Variants in RASA3 observed in about 807,000 individuals in gnomAD.
RASA3 encodes ras GTPase-activating protein 3.
A neutral mutation model predicts 110.0 loss-of-function variants in RASA3; 73 were observed. That is an observed-to-expected ratio of 0.66 (90% CI 0.55 to 0.81). The LOEUF is 0.81. RASA3 is among the 30% of genes least tolerant of loss of function. The probability of loss-of-function intolerance (pLI) is 0.00; values close to 1 mark genes in which losing one functional copy is unlikely to be tolerated. For missense variants in RASA3, 976 were observed against 1,113.2 expected, an observed-to-expected ratio of 0.88 and a Z score of 1.75; for synonymous variants, 500 against 451.4, an observed-to-expected ratio of 1.11 and a Z score of -1.37.
intron 21 of RASA3, among the ~76,000 whole-genome samples, chr13:113,993,805 C>CAAA (rs1566450353): frequency 9.7e-5 from 4 of 41,346 alleles, no homozygotes; most frequent in African/African-American, 6.5e-4. Flanking sequence ...GAGACTCTGC[C>CAAA]TAAAAAAAAA....
intron 13 of RASA3, 65 bp downstream of exon 13, chr13:114,016,119 TCAGAGCTTCCAGG>T: frequency 7.5e-7 from 1 of 1,336,076 alleles, no homozygotes. Flanking sequence ...ACGGGGTGAG[TCAGAGCTTCCAGG>T]CAGCCATCGG....
intron 1 of RASA3, among the ~76,000 whole-genome samples, chr13:114,117,724 ATG>A (rs1268948688): frequency 5.7e-5 from 7 of 122,936 alleles, no homozygotes; most frequent in African/African-American, 1.9e-4. Context: ...TGAGGGATGC[ATG>A]TGTGTGAGGA....
intron 8 of RASA3, among the ~76,000 whole-genome samples, chr13:114,022,337 C>T (rs1477609844): frequency 6.6e-6 from 1 of 152,212 alleles, no homozygotes; most frequent in East Asian, 1.9e-4. Flanking sequence ...AACAAGTCTA[C>T]AGGGCTGGTA....
intron 4 of RASA3, among the ~76,000 whole-genome samples, chr13:114,033,485 C>T (rs868354706): frequency 5.0e-3 from 103 of 20,658 alleles, no homozygotes; most frequent in African/African-American, 8.1e-3. Context: ...CACGGCACCC[C>T]CACACTGACA....
intron 1 of RASA3, among the ~76,000 whole-genome samples, chr13:114,089,532 C>T (rs987478005): frequency 4.6e-5 from 7 of 152,064 alleles, no homozygotes; most frequent in African/African-American, 1.7e-4. Context: ...CCCCTGCTCC[C>T]AGCTGCAGAA....
intron 16 of RASA3, among the ~76,000 whole-genome samples, chr13:114,009,732 G>A (rs1170249325): frequency 3.3e-5 from 5 of 152,196 alleles, no homozygotes; most frequent in Admixed American, 3.3e-4. Context: ...TCCTGGCCCC[G>A]GGCTGTCCCT....
At chr13:114,103,084 T>G (rs563192623) in intron 1 of RASA3, among the ~76,000 whole-genome samples, 1 of 151,158 alleles carries the variant, frequency 6.6e-6, no homozygotes, top group Non-Finnish European at 1.5e-5. Flanking sequence ...GAAATGCAGC[T>G]GTGGCTGTCG....
chr13:114,088,389 C>T (rs1053194958), intron 1 of RASA3, among the ~76,000 whole-genome samples: 1 of 152,136 alleles, frequency 6.6e-6, no homozygotes, highest in Non-Finnish European at 1.5e-5. Flanking sequence ...GAGCTCCCAG[C>T]CATTTGCTCT....
At chr13:114,009,298 G>T in intron 17 of RASA3, 89 bp downstream of exon 17, 1 of 1,068,558 alleles carries the variant, frequency 9.4e-7, no homozygotes, top group Non-Finnish European at 1.4e-6. Flanking sequence ...GGCCAAGTCT[G>T]TGTCATGTGG....
intron 1 of RASA3, among the ~76,000 whole-genome samples, chr13:114,100,918 A>G (rs1397040838): frequency 6.6e-6 from 1 of 152,038 alleles, no homozygotes; most frequent in Non-Finnish European, 1.5e-5. Flanking sequence ...AATTTTAAAA[A>G]CTCAGAAATT....
At chr13:114,026,609 C>G (rs1348165720) in intron 7 of RASA3, among the ~76,000 whole-genome samples, 1 of 152,222 alleles carries the variant, frequency 6.6e-6, no homozygotes, top group East Asian at 1.9e-4. Context: ...CCCCTGAGAG[C>G]TGCATGCATC....
At chr13:114,052,774 G>GA (rs2079169295) in intron 2 of RASA3, among the ~76,000 whole-genome samples, 1 of 142,586 alleles carries the variant, frequency 7.0e-6, no homozygotes, top group African/African-American at 2.7e-5. Context: ...GCTCCTGGGG[G>GA]AGAGACCCCC....
chr13:113,979,896 G>A (rs2052869813), intron 23 of RASA3, among the ~76,000 whole-genome samples: 1 of 151,048 alleles, frequency 6.6e-6, no homozygotes, highest in Non-Finnish European at 1.5e-5. Context: ...CTACCTCCAT[G>A]TGTGTGCACC....
chr13:114,059,429 A>C (rs565892383), intron 2 of RASA3, among the ~76,000 whole-genome samples: 2 of 151,628 alleles, frequency 1.3e-5, no homozygotes, highest in South Asian at 4.2e-4. Flanking sequence ...GCAGGTACCC[A>C]GGAGGCACAG....
Position 114,057,138 on chromosome 13 carries a change from G to A in RASA3, c.174-4983C>T. On this transcript the variant is annotated intron_variant, in intron 2 of 23. Coordinates refer to ENST00000334062, the MANE Select transcript of RASA3 (RefSeq NM_007368.4). This position sits in a 1 kb window ranked among gnomAD's most constrained non-coding sequence, Gnocchi z 5.0. ...TGGGTGAGTGTTTTGCATGTCTGAT[G>A]TCGTTTATTCTAGTGGTTCCAATTG... 1.1e-6 allele frequency: 1 copy of A among 917,046 alleles called. No individual in the cohort carries two copies. The highest frequency in any genetic ancestry group is 5.0e-5 in the South Asian group (1 of 19,810). 56.8% of individuals were successfully genotyped at this position (917,046 alleles called of 1,614,324 possible). A position where few individuals can be genotyped will look rare whatever the true frequency, so the allele number is the denominator to read the frequency against.
chr13:114,007,938 G>C (rs2053553110), intron 17 of RASA3, among the ~76,000 whole-genome samples: 1 of 121,828 alleles, frequency 8.2e-6, no homozygotes, highest in Non-Finnish European at 1.8e-5. Context: ...CTGACTGTGG[G>C]GAGGAGCAGA....
Position 114,114,148 on chromosome 13 carries a change from A to G in RASA3, c.55+18287T>C, listed in dbSNP as rs1169758670. On this transcript the variant is annotated intron_variant, in intron 1 of 23. Transcript: ENST00000334062. The surrounding 1 kb of genome is among the most constrained non-coding windows in gnomAD (Gnocchi z 4.8). Reference sequence around the variant, plus strand: ...CTGCAATGTCCATGCAGCTCTCACCATGTCCATCAATCCACCCCACCACGG... The same window carrying G: ...CTGCAATGTCCATGCAGCTCTCACCGTGTCCATCAATCCACCCCACCACGG... Among the ~76,000 whole-genome samples, 1 of 152,134 alleles carries G rather than the reference A, an allele frequency of 6.6e-6. No individual in the cohort carries two copies. Among genetic ancestry groups the G allele is most frequent in the Non-Finnish European group, 1.5e-5 (1 of 68,020 alleles).
intron 1 of RASA3, among the ~76,000 whole-genome samples, chr13:114,127,564 C>T (rs1455355451): frequency 6.6e-6 from 1 of 152,310 alleles, no homozygotes; most frequent in Middle Eastern, 3.4e-3. Flanking sequence ...GTTCTCCAGC[C>T]CTCCATGATT....
chr13:113,992,855 G>A (rs868521), intron 21 of RASA3, among the ~76,000 whole-genome samples: 107,579 of 152,076 alleles, frequency 0.71, 38,895 homozygotes, highest in African/African-American at 0.87. Context: ...GTTACCATTG[G>A]CCTATTTGGA....
Sources: allele counts gnomAD v4.1 joint callset (sites outside exome capture counted in the v4.1 genomes callset), GRCh38; gene constraint gnomAD v4.1.1; non-coding constraint Gnocchi (gnomAD v3.1); transcripts MANE v1.5; gene names NCBI Gene and HGNC (gene_info 2026-07-23, HGNC 2026-07-21).